NHS: variants seen among roughly 807,000 people sequenced by gnomAD.
The protein encoded by NHS is actin remodeling regulator NHS.
In NHS, 5 loss-of-function variants were observed where a neutral mutation model predicts 72.5. The observed-to-expected ratio is 0.07, with a 90% confidence interval of 0.04 to 0.14. The LOEUF is 0.14. Ranked by LOEUF, NHS falls within the 10% of genes least tolerant of loss-of-function variation. The pLI, the probability that NHS is intolerant of heterozygous loss-of-function variation, is 1.00. For missense variants in NHS, 1,072 were observed against 1,355.7 expected (o/e 0.79, Z 3.29); for synonymous variants, 464 against 547.7 (o/e 0.85, Z 2.13).
At chrX:17,507,060 A>T (rs1458402985) in intron 1 of NHS, among the ~76,000 whole-genome samples, 4 of 112,297 alleles carry the variant, frequency 3.6e-5, no homozygotes, top group Non-Finnish European at 7.5e-5. Flanking sequence ...TAGTTGACAG[A>T]TTTTTTTCCA....
At chrX:17,475,378 C>T (rs909090894) in intron 1 of NHS, among the ~76,000 whole-genome samples, 1 of 112,391 alleles carries the variant, frequency 8.9e-6, no homozygotes, top group Non-Finnish European at 1.9e-5. Flanking sequence ...AGAGAGCAGG[C>T]CTCGGCCTCC....
At chrX:17,655,448 G>A (rs2065949074) in intron 1 of NHS, among the ~76,000 whole-genome samples, 1 of 112,743 alleles carries the variant, frequency 8.9e-6, no homozygotes, top group Non-Finnish European at 1.9e-5. Flanking sequence ...TAAGCTCACA[G>A]GCCGGGCTTT....
chrX:17,602,866 G>T (rs1001691194), intron 1 of NHS, among the ~76,000 whole-genome samples: 6 of 100,856 alleles, frequency 5.9e-5, no homozygotes, highest in African/African-American at 2.3e-4. Context: ...TTAAAGACGG[G>T]GTCTTGCTCT....
At position 17,526,108 on chromosome X, in the gene NHS, T is replaced by C. The variant is rs949321012; in HGVS notation, c.565+149786T>C. Among the ~76,000 whole-genome samples, 24 of 112,741 alleles carry C rather than the reference T, an allele frequency of 2.1e-4. No homozygotes were observed. The Admixed American group carries it at 2.2e-3, about 11-fold the overall frequency. On this transcript the variant is annotated intron_variant, in intron 1 of 8. Transcript: ENST00000676302. ...AAACATTGCATATTGTAACTCCATA[T>C]TGGAGAATCACAAGGTTAAAAGAGT...
intron 1 of NHS, among the ~76,000 whole-genome samples, chrX:17,500,078 T>C (rs139621551): frequency 1.5e-4 from 17 of 112,728 alleles, no homozygotes; most frequent in African/African-American, 5.1e-4. Context: ...TTTGCTGTTT[T>C]AATCTTAATC....
chrX:17,503,015 A>G (rs904914692), intron 1 of NHS, among the ~76,000 whole-genome samples: 1 of 111,411 alleles, frequency 9.0e-6, no homozygotes, highest in African/African-American at 3.3e-5. Context: ...CCACCTCCAT[A>G]GCTCCCAATG....
intron 3 of NHS, among the ~76,000 whole-genome samples, chrX:17,692,685 A>G (rs949521258): frequency 1.8e-5 from 2 of 111,406 alleles, no homozygotes; most frequent in Admixed American, 1.9e-4. Flanking sequence ...TGGTAGCACA[A>G]TGCAGTAAAG....
rs181980144 is a variant in NHS, at chrX:17,470,839, C to T, written c.565+94517C>T. Among the ~76,000 whole-genome samples, 3 of 111,989 alleles carry T rather than the reference C, an allele frequency of 2.7e-5. No individual in the cohort carries two copies. In the Admixed American group the frequency reaches 2.8e-4, roughly 11 times the overall value. ...ATGTTCCACTGCCTGATCTACTTTACTTTTCTTCAAGGCAAGTCTGCTTCC... is the reference window on the plus strand; with the variant it reads ...ATGTTCCACTGCCTGATCTACTTTATTTTTCTTCAAGGCAAGTCTGCTTCC... On this transcript the variant is annotated intron_variant, in intron 1 of 8. Coordinates refer to ENST00000676302, the MANE Select transcript of NHS (RefSeq NM_001291867.2).
chrX:17,608,364 A>G (rs1287142333), intron 1 of NHS, among the ~76,000 whole-genome samples: 1 of 112,296 alleles, frequency 8.9e-6, no homozygotes, highest in Admixed American at 9.4e-5. Flanking sequence ...CTTTCTCTTC[A>G]GAGTTGAGTT....
intron 1 of NHS, among the ~76,000 whole-genome samples, chrX:17,476,633 G>A: frequency 9.0e-6 from 1 of 111,398 alleles, no homozygotes; most frequent in East Asian, 2.8e-4. Flanking sequence ...GTGAGAATAT[G>A]ATACAGGGAA....
intron 1 of NHS, among the ~76,000 whole-genome samples, chrX:17,680,699 AAAT>A (rs2066122464): frequency 8.9e-6 from 1 of 112,281 alleles, no homozygotes; most frequent in Non-Finnish European, 1.9e-5. Context: ...TTGACCTGCT[AAAT>A]GGATTTCACA....
intron 1 of NHS, among the ~76,000 whole-genome samples, chrX:17,611,670 C>A (rs1426341934): frequency 1.8e-5 from 2 of 111,075 alleles, no homozygotes; most frequent in African/African-American, 6.6e-5. Context: ...AATTCTCAAA[C>A]TTTCAGTATT....
chrX:17,405,645 A>AT (rs11450401), intron 1 of NHS, among the ~76,000 whole-genome samples: 1,669 of 112,131 alleles, frequency 0.015, 68 homozygotes, highest in Admixed American at 0.1. Context: ...TTGAATTTTC[A>AT]TTTTTTGGAG....
intron 1 of NHS, among the ~76,000 whole-genome samples, chrX:17,384,019 T>C (rs1402586512): frequency 8.9e-6 from 1 of 112,083 alleles, no homozygotes; most frequent in Non-Finnish European, 1.9e-5. Flanking sequence ...AACTACCTAT[T>C]TGAGAAGGAT....
chrX:17,675,163 A>T (rs937632789), intron 1 of NHS, among the ~76,000 whole-genome samples: 2 of 112,110 alleles, frequency 1.8e-5, no homozygotes, highest in African/African-American at 3.2e-5. Flanking sequence ...ACTTCCAAAC[A>T]AAGTACCCTT....
intron 3 of NHS, among the ~76,000 whole-genome samples, chrX:17,712,353 C>T (rs1275651733): frequency 1.3e-5 from 1 of 78,553 alleles, no homozygotes; most frequent in African/African-American, 5.6e-5. Context: ...AAATGTAACA[C>T]ATTTGTATAC....
Position 17,375,536 on chromosome X carries a change from C to A in NHS, c.-222C>A. 1 of 421,520 alleles carries A rather than the reference C, an allele frequency of 2.4e-6. No homozygotes were observed. Among genetic ancestry groups the A allele is most frequent in the South Asian group, 3.8e-5 (1 of 26,462 alleles). The allele number at this position is 421,520 out of a possible 1,213,427, so 34.7% of individuals were successfully genotyped here. Reference sequence around the variant, plus strand: ...CTGTGCGGAGCGCTTGTCATCCTCCCCAGGGAACGGTGCACCCAAAGGAGG... The same window carrying A: ...CTGTGCGGAGCGCTTGTCATCCTCCACAGGGAACGGTGCACCCAAAGGAGG... On this transcript the variant is annotated 5_prime_UTR_variant, in exon 1 of 9. Transcript: ENST00000676302.
chrX:17,636,393 C>T (rs1418000649), intron 1 of NHS, among the ~76,000 whole-genome samples: 1 of 112,685 alleles, frequency 8.9e-6, no homozygotes, highest in Non-Finnish European at 1.9e-5. Flanking sequence ...GAACTTTTTA[C>T]AGTATTCTTC....
chrX:17,603,705 C>A (rs1424520189), intron 1 of NHS, among the ~76,000 whole-genome samples: 1 of 112,119 alleles, frequency 8.9e-6, no homozygotes, highest in Non-Finnish European at 1.9e-5. Flanking sequence ...CACACCGTGG[C>A]TCAACACCAC....
Sources: allele counts gnomAD v4.1 joint callset (sites outside exome capture counted in the v4.1 genomes callset), GRCh38; gene constraint gnomAD v4.1.1; transcripts MANE v1.5; gene names NCBI Gene and HGNC (gene_info 2026-07-23, HGNC 2026-07-21).